The following CCNC variants were observed in gnomAD, a reference collection of about 807,000 sequenced individuals.
The protein encoded by CCNC is cyclin C, also known as cyclin-C.
In CCNC, 19 loss-of-function variants were observed where a neutral mutation model predicts 50.0. That is an observed-to-expected ratio of 0.38 (90% CI 0.27 to 0.56). The LOEUF is 0.56. Ranked by LOEUF, CCNC falls within the 20% of genes least tolerant of loss-of-function variation. The pLI is 0.72. For missense variants in CCNC, 200 were observed against 327.1 expected, an observed-to-expected ratio of 0.61 and a Z score of 3.00; for synonymous variants, 93 against 103.7, an observed-to-expected ratio of 0.90 and a Z score of 0.63.
Position 99,549,514 on chromosome 6 carries a change from C to T in CCNC, c.592G>A (p.Ala198Thr). The change falls in exon 9 of 12, where the codon GCT becomes ACT. Residue 198 changes from alanine to threonine, a missense_variant. Coordinates refer to ENST00000520429, the MANE Select transcript of CCNC (RefSeq NM_005190.4). ...GCACACCATGCTTACATACCTAAAG[C>T]TATCATGAAAGGAGGATACAGTAGG... Reference protein sequence around the residue: ...LCLLYPPFMIALACLHVACVV... With the variant: ...LCLLYPPFMITLACLHVACVV... The T allele has an allele frequency of 6.2e-7, 1 of 1,602,432 alleles. No individual in the cohort carries two copies. The highest frequency in any genetic ancestry group is 1.7e-4 in the Middle Eastern group (1 of 6,042).
intron 11 of CCNC, chr6:99,543,904 G>T: frequency 7.8e-7 from 1 of 1,275,408 alleles, no homozygotes; most frequent in Non-Finnish European, 9.9e-7. Context: ...GTTATTACAG[G>T]TATCACTCAA....
At position 99,565,065 on chromosome 6, in the gene CCNC, G is replaced by A. The variant is rs187913835; in HGVS notation, c.33-2117C>T. Among the ~76,000 whole-genome samples, 318 of 151,964 alleles carry A rather than the reference G, an allele frequency of 2.1e-3. 4 individuals carry two copies. The highest frequency in any genetic ancestry group is 8.1e-3 in the Admixed American group (124 of 15,276). On this transcript the variant is annotated intron_variant, in intron 1 of 11. Coordinates refer to ENST00000520429, the MANE Select transcript of CCNC (RefSeq NM_005190.4). ...TATTTTTTTCTTCTTCATATGCTGT[G>A]CTACTTTAAAACATAGAAAATTAAG...
At chr6:99,543,744 C>A in intron 11 of CCNC, 135 bp from the exon 12 acceptor site, 1 of 1,442,994 alleles carries the variant, frequency 6.9e-7, no homozygotes, top group Non-Finnish European at 9.1e-7. Context: ...CATTATAAGA[C>A]ACGTGAAAAA....
At chr6:99,561,469 T>A (rs1430940572) in intron 3 of CCNC, 33 bp from the exon 4 acceptor site, 1 of 1,465,102 alleles carries the variant, frequency 6.8e-7, no homozygotes, top group Admixed American at 2.1e-5. Context: ...TAAATATCAT[T>A]CATACAGAAA....
rs537470341 is a variant in CCNC, at chr6:99,558,338, A to AT, written c.346+158dup. On this transcript the variant is annotated intron_variant, in intron 5 of 11. Transcript: ENST00000520429. The stretch of plus-strand genomic sequence containing the variant: ...TTTTAAAAAAAAACCTTTTAGCTTG[A>AT]TTTTTTTGCCAGATACACTAGATAT... The AT allele has an allele frequency of 8.5e-5, 93 of 1,091,942 alleles. No individual in the cohort carries two copies. The Middle Eastern group carries it at 2.0e-3, about 23-fold the overall frequency. 67.6% of individuals were successfully genotyped at this position (1,091,942 alleles called of 1,614,324 possible). A position where few individuals can be genotyped will look rare whatever the true frequency, so the allele number is the denominator to read the frequency against.
chr6:99,549,288 CAAAAAA>C (rs34144372), intron 9 of CCNC: 7 of 490,574 alleles, frequency 1.4e-5, no homozygotes, highest in African/African-American at 1.1e-4. Flanking sequence ...TGAATGGTTT[CAAAAAA>C]AAAAAAAAAA....
upstream of CCNC, chr6:99,568,781 G>A (rs1165979349): frequency 3.3e-6 from 4 of 1,225,874 alleles, no homozygotes; most frequent in African/African-American, 6.1e-5. Context: ...CCGGAGGGGA[G>A]GTGCTGACCC....
chr6:99,568,604 G>A lies in CCNC; in HGVS notation c.-77C>T. The A allele has an allele frequency of 6.4e-7, 1 of 1,573,564 alleles. No individual in the cohort carries two copies. Among genetic ancestry groups the A allele is most frequent in the South Asian group, 1.2e-5 (1 of 86,196 alleles). On this transcript the variant is annotated 5_prime_UTR_variant, in exon 1 of 12. Transcript: ENST00000520429. ...GAGCGACCATAGACCCAGCCCGTCC[G>A]GTAACCGCGCTCCTCGATCAAATCA...
intron 1 of CCNC, chr6:99,568,292 A>G (rs1769241947): frequency 3.4e-6 from 2 of 595,554 alleles, no homozygotes; most frequent in African/African-American, 3.7e-5. Flanking sequence ...CCCCTCACAG[A>G]TCCTTCCCTC....
chr6:99,545,431 T>C (rs946258301), intron 10 of CCNC, among the ~76,000 whole-genome samples: 2 of 152,212 alleles, frequency 1.3e-5, no homozygotes, highest in African/African-American at 2.4e-5. Flanking sequence ...CATGTGTGCA[T>C]TGTCCATTCT....
intron 7 of CCNC, 86 bp from the exon 8 acceptor site, chr6:99,550,395 T>G (rs145023931): frequency 1.1e-6 from 1 of 903,086 alleles, no homozygotes; most frequent in Non-Finnish European, 1.7e-6. Context: ...TGATTTGTAA[T>G]TGTGTATTTC....
intron 4 of CCNC, among the ~76,000 whole-genome samples, chr6:99,559,792 T>A (rs923800633): frequency 6.6e-6 from 1 of 151,342 alleles, no homozygotes; most frequent in Non-Finnish European, 1.5e-5. Context: ...TAGTCTTGGC[T>A]CACTGCAACC....
intron 5 of CCNC, among the ~76,000 whole-genome samples, chr6:99,552,630 G>C (rs963120557): frequency 2.0e-5 from 3 of 152,180 alleles, no homozygotes; most frequent in African/African-American, 7.2e-5. Context: ...TTGAGAAACT[G>C]TATTCAAGCC....
chr6:99,548,576 AG>A (rs11302411), intron 9 of CCNC, among the ~76,000 whole-genome samples: 59,181 of 151,998 alleles, frequency 0.39, 11,672 homozygotes, highest in East Asian at 0.53. Context: ...GCACTCTGAG[AG>A]GCCAAGGAGG....
In CCNC at chr6:99,561,688, G is replaced by A; in HGVS notation, c.140-7C>T. 1.3e-6 allele frequency: 2 copies of A among 1,540,866 alleles called. No homozygotes were observed. The highest frequency in any genetic ancestry group is 1.4e-5 in the African/African-American group (1 of 73,296). On this transcript the variant is annotated splice_polypyrimidine_tract_variant and splice_region_variant and intron_variant, in intron 2 of 11. Coordinates refer to ENST00000520429, the MANE Select transcript of CCNC (RefSeq NM_005190.4). ...TCACCTAATGCTTGGATAACTAAAA[G>A]GCAAATAATGAAATTTTAAATGTAT... is the stretch of plus-strand genomic sequence containing the variant.
chr6:99,544,309 G>GACT (rs953888473), intron 11 of CCNC: 3 of 1,531,754 alleles, frequency 2.0e-6, no homozygotes, highest in African/African-American at 2.7e-5. Flanking sequence ...CTGTTTGAAT[G>GACT]ACTGCCTTAA....
At chr6:99,558,365 A>C (rs564167447) in intron 5 of CCNC, 132 bp downstream of exon 5, 105 of 1,411,566 alleles carry the variant, frequency 7.4e-5, no homozygotes, top group Non-Finnish European at 7.0e-5. Flanking sequence ...ACTAGATATA[A>C]AGTTATCCTC....
intron 5 of CCNC, among the ~76,000 whole-genome samples, chr6:99,554,417 T>C (rs1192405603): frequency 6.6e-6 from 1 of 152,210 alleles, no homozygotes; most frequent in Admixed American, 6.5e-5. Flanking sequence ...TGGGGAGTTA[T>C]GCTCCCTCTA....
chr6:99,547,797 G>C (rs943142318), intron 9 of CCNC, among the ~76,000 whole-genome samples: 3 of 152,198 alleles, frequency 2.0e-5, no homozygotes, highest in African/African-American at 7.2e-5. Context: ...GCTCTCTGAG[G>C]ATGGGAGTGC....
Sources: allele counts gnomAD v4.1 joint callset (sites outside exome capture counted in the v4.1 genomes callset), GRCh38; gene constraint gnomAD v4.1.1; transcripts MANE v1.5; gene names NCBI Gene and HGNC (gene_info 2026-07-23, HGNC 2026-07-21).